The following SLC24A2 variants were observed in gnomAD, a reference collection of about 807,000 sequenced individuals.
SLC24A2 encodes solute carrier family 24 member 2.
SLC24A2 carries 36 observed loss-of-function variants against 62.0 expected under a neutral mutation model. The observed-to-expected ratio is 0.58, with a 90% CI of 0.44 to 0.77. The LOEUF is 0.77. Among genes scored for constraint, SLC24A2 ranks in the 30% least tolerant of loss-of-function variants. The pLI is 0.00. For synonymous variants in SLC24A2, 358 were observed against 294.0 expected (o/e 1.22, Z -2.23); for missense variants, 846 against 817.9 (o/e 1.03, Z -0.42).
the SLC24A2 span, among the ~76,000 whole-genome samples, chr9:19,918,998 A>C: frequency 6.6e-6 from 1 of 152,258 alleles, no homozygotes; most frequent in African/African-American, 2.4e-5. Flanking sequence ...ATCTGAAGAT[A>C]GGAGGTGAGA....
the SLC24A2 span, among the ~76,000 whole-genome samples, chr9:20,106,147 G>C: frequency 3.9e-5 from 6 of 152,164 alleles, no homozygotes; most frequent in African/African-American, 1.4e-4. Flanking sequence ...GACTAAACCA[G>C]GAAGAAGTTG....
At chr9:19,829,346 C>T in the SLC24A2 span, among the ~76,000 whole-genome samples, 1 of 152,080 alleles carries the variant, frequency 6.6e-6, no homozygotes, top group East Asian at 1.9e-4. Flanking sequence ...GTGATAAGAC[C>T]TAAGAGCACA....
chr9:19,572,072 C>T (rs1310938298), intron 7 of SLC24A2, among the ~76,000 whole-genome samples: 1 of 131,554 alleles, frequency 7.6e-6, no homozygotes, highest in Non-Finnish European at 1.7e-5. Context: ...AAGTTCGAGA[C>T]CAGCCTGATC....
chr9:20,076,665 C>T, the SLC24A2 span, among the ~76,000 whole-genome samples: 9 of 151,720 alleles, frequency 5.9e-5, no homozygotes, highest in South Asian at 2.1e-4. Flanking sequence ...CCCTAGGAAA[C>T]GAATACAGAG....
chr9:19,980,436 A>G, the SLC24A2 span, among the ~76,000 whole-genome samples: 1 of 152,180 alleles, frequency 6.6e-6, no homozygotes, highest in African/African-American at 2.4e-5. Flanking sequence ...AAGTGCAGGG[A>G]AGGAAGTGAC....
At chr9:19,953,018 G>C in the SLC24A2 span, among the ~76,000 whole-genome samples, 4 of 151,872 alleles carry the variant, frequency 2.6e-5, no homozygotes, top group Non-Finnish European at 5.9e-5. Context: ...AAATACTTGG[G>C]TCATTTCATC....
At chr9:19,878,305 A>T in the SLC24A2 span, among the ~76,000 whole-genome samples, 1 of 152,168 alleles carries the variant, frequency 6.6e-6, no homozygotes, top group South Asian at 2.1e-4. Context: ...GAAGGATTGG[A>T]TGCAGGTTTC....
chr9:19,796,656 T>C, the SLC24A2 span, among the ~76,000 whole-genome samples: 1 of 152,256 alleles, frequency 6.6e-6, no homozygotes, highest in Admixed American at 6.5e-5. Context: ...AGGTTAGAAA[T>C]CATCTTCCTT....
At chr9:20,254,850 A>C in the SLC24A2 span, among the ~76,000 whole-genome samples, 1 of 152,188 alleles carries the variant, frequency 6.6e-6, no homozygotes, top group African/African-American at 2.4e-5. Context: ...GAGGCCTCAC[A>C]GTCCTGGCGG....
the SLC24A2 span, among the ~76,000 whole-genome samples, chr9:19,992,115 C>T: frequency 6.6e-6 from 1 of 152,156 alleles, no homozygotes; most frequent in Non-Finnish European, 1.5e-5. Context: ...TGTTATCATA[C>T]ATGATTGGAT....
chr9:19,761,361 G>A (rs908961536), intron 2 of SLC24A2, among the ~76,000 whole-genome samples: 25 of 152,108 alleles, frequency 1.6e-4, no homozygotes, highest in African/African-American at 5.1e-4. Flanking sequence ...TCTAAGTGGC[G>A]TGAGATGGTA....
At chr9:19,570,559 T>C (rs1205207104) in intron 7 of SLC24A2, among the ~76,000 whole-genome samples, 1 of 152,192 alleles carries the variant, frequency 6.6e-6, no homozygotes, top group Non-Finnish European at 1.5e-5. Flanking sequence ...CATAAAACCA[T>C]TTCACTTTAC....
chr9:20,055,005 T>G, the SLC24A2 span, among the ~76,000 whole-genome samples: 1 of 152,210 alleles, frequency 6.6e-6, no homozygotes, highest in Non-Finnish European at 1.5e-5. Flanking sequence ...CTGCACCACA[T>G]TTTGAAGCAT....
chr9:19,619,612 C>T lies in SLC24A2; in HGVS notation c.1050G>A (p.Met350Ile). Residue 350 changes from methionine to isoleucine, a missense_variant, in exon 4 of 11, where the codon ATG becomes ATA. Coordinates refer to ENST00000341998, the MANE Select transcript of SLC24A2 (RefSeq NM_020344.4). ...SLMRNSIFQL[M>I]IHTLDPLAEE... ...CGGCGAGTGGGTCAAGGGTGTGTAT[C>T]ATGAGTTGGAAGATGCTATTCCTCA... 6.2e-7 allele frequency: 1 copy of T among 1,614,014 alleles called. No individual in the cohort carries two copies. Among genetic ancestry groups the T allele is most frequent in the Non-Finnish European group, 8.5e-7 (1 of 1,179,874 alleles).
the SLC24A2 span, among the ~76,000 whole-genome samples, chr9:19,949,865 C>T: frequency 2.6e-5 from 4 of 152,162 alleles, no homozygotes; most frequent in Non-Finnish European, 4.4e-5. Flanking sequence ...CCTGGACTGC[C>T]TACCAGTCTG....
chr9:19,608,767 C>G (rs1587029834), intron 4 of SLC24A2, among the ~76,000 whole-genome samples: 1 of 151,536 alleles, frequency 6.6e-6, no homozygotes, highest in African/African-American at 2.4e-5. Context: ...AAATCTCTCT[C>G]TCTCTCTCTC....
intron 2 of SLC24A2, among the ~76,000 whole-genome samples, chr9:19,774,783 TC>T (rs1822795899): frequency 6.6e-6 from 1 of 152,154 alleles, no homozygotes; most frequent in Non-Finnish European, 1.5e-5. Context: ...CCCTCATTAC[TC>T]CTCCAAAGGA....
At chr9:20,224,712 G>C in the SLC24A2 span, among the ~76,000 whole-genome samples, 8 of 151,948 alleles carry the variant, frequency 5.3e-5, no homozygotes, top group African/African-American at 1.9e-4. Context: ...GAGGGATGGA[G>C]GGAGGGAAGA....
At chr9:19,963,746 T>A in the SLC24A2 span, among the ~76,000 whole-genome samples, 4 of 151,912 alleles carry the variant, frequency 2.6e-5, no homozygotes, top group African/African-American at 4.8e-5. Flanking sequence ...TGTGGAGAAA[T>A]AGGAACACTT....
Sources: allele counts gnomAD v4.1 joint callset (sites outside exome capture counted in the v4.1 genomes callset), GRCh38; gene constraint gnomAD v4.1.1; transcripts MANE v1.5; gene names NCBI Gene and HGNC (gene_info 2026-07-23, HGNC 2026-07-21).